Variants in ZNF335 observed in about 807,000 individuals in gnomAD.
ZNF335 encodes NRC-interacting factor 1.
Under a neutral mutation model 145.6 loss-of-function variants are expected in ZNF335, and 84 were observed. The ratio of observed to expected loss-of-function variants is 0.58; its 90% CI spans 0.48 to 0.69. ZNF335 has a LOEUF of 0.69. ZNF335 is among the 30% of genes least tolerant of loss of function. The probability of loss-of-function intolerance (pLI) is 0.00; values close to 1 mark genes in which losing one functional copy is unlikely to be tolerated. For missense variants in ZNF335, 1,865 were observed against 1,809.7 expected, an observed-to-expected ratio of 1.03 and a Z score of -0.55; for synonymous variants, 761 against 717.0, an observed-to-expected ratio of 1.06 and a Z score of -0.98.
At chr20:45,971,694 C>A in intron 1 of ZNF335, 1 of 985,486 alleles carries the variant, frequency 1.0e-6, no homozygotes, top group Non-Finnish European at 1.2e-6. Flanking sequence ...GTAATCTTGA[C>A]CCTTTCCCTC....
intron 17 of ZNF335, among the ~76,000 whole-genome samples, chr20:45,954,771 T>C (rs954598073): frequency 4.6e-4 from 2 of 4,386 alleles, no homozygotes. Context: ...ATACAATTAC[T>C]TTTTTTTTTT....
intron 7 of ZNF335, 28 bp from the exon 8 acceptor site, chr20:45,964,018 C>T: frequency 6.6e-7 from 1 of 1,512,690 alleles, no homozygotes; most frequent in Non-Finnish European, 8.8e-7. Context: ...GGTCACAAGC[C>T]AGCCACTGAC....
At position 45,952,318 on chromosome 20, in the gene ZNF335, C is replaced by T. The variant is rs758841641; in HGVS notation, c.3018G>A (p.Pro1006=). Residue 1006 remains proline (P), a synonymous_variant, in exon 20 of 28, where the codon CCG becomes CCA. Transcript: ENST00000322927. ...CAGCAGTGGCTGCAGATGGCGGTGACGGGGGCACTGCCAGGCCCAGGGCTT... is the reference window on the plus strand; with the variant it reads ...CAGCAGTGGCTGCAGATGGCGGTGATGGGGGCACTGCCAGGCCCAGGGCTT... ...TSKALGLAVP[P]SPPSAATAAS... The T allele has an allele frequency of 7.4e-6, 12 of 1,613,406 alleles. No homozygotes were observed. Among genetic ancestry groups the T allele is most frequent in the East Asian group, 2.2e-5 (1 of 44,884 alleles).
chr20:45,952,054 G>T, intron 20 of ZNF335, 93 bp downstream of exon 20: 1 of 1,474,980 alleles, frequency 6.8e-7, no homozygotes, highest in Non-Finnish European at 9.0e-7. Flanking sequence ...GAGAGCAGAG[G>T]ATCTGGCTTG....
chr20:45,962,006 G>A (rs1353069547), intron 10 of ZNF335, 64 bp downstream of exon 10: 17 of 1,296,846 alleles, frequency 1.3e-5, no homozygotes, highest in East Asian at 7.1e-5. Flanking sequence ...TGGTTATCCC[G>A]GGCCTCCACT....
intron 20 of ZNF335, among the ~76,000 whole-genome samples, 200 bp from the exon 21 acceptor site, chr20:45,950,795 C>A (rs2083617251): frequency 6.6e-6 from 1 of 152,206 alleles, no homozygotes; most frequent in South Asian, 2.1e-4. Flanking sequence ...AATGAAAGGC[C>A]ATAGATTCCA....
In ZNF335 at chr20:45,963,608, C is replaced by T. The variant is rs1383144211; in HGVS notation, c.1398G>A (p.Leu466=). ...KSPKPLLRPF[L]CRICGSRFLS... is the part of the protein sequence containing the mutation. ...GAAAGCGAGAACCACAGATGCGGCA[C>T]AGGAAGGGCCTCAAAAGTGGTTTGG... Residue 466 remains leucine, a synonymous_variant, in exon 9 of 28, where the codon CTG becomes CTA. Transcript: ENST00000322927. 2.5e-6 allele frequency: 4 copies of T among 1,614,234 alleles called. No individual in the cohort carries two copies. The highest frequency in any genetic ancestry group is 1.3e-5 in the African/African-American group (1 of 75,048).
intron 7 of ZNF335, among the ~76,000 whole-genome samples, chr20:45,965,415 C>A (rs1434031706): frequency 1.3e-5 from 2 of 152,142 alleles, no homozygotes; most frequent in Non-Finnish European, 2.9e-5. Flanking sequence ...TGGTGAAAGG[C>A]ATTTCCATAA....
At chr20:45,960,592 G>C (rs767705748) in intron 12 of ZNF335, 24 bp downstream of exon 12, 2 of 1,614,016 alleles carry the variant, frequency 1.2e-6, no homozygotes, top group African/African-American at 1.3e-5. Context: ...CCTCCTCTCA[G>C]CCCCAGCCCT....
chr20:45,950,347 A>T lies in ZNF335; in HGVS notation c.3359T>A (p.Phe1120Tyr). The change falls in exon 22 of 28, where the codon TTC becomes TAC. Residue 1120 changes from phenylalanine to tyrosine, a missense_variant. Coordinates refer to ENST00000322927, the MANE Select transcript of ZNF335 (RefSeq NM_022095.4). ...QRFNRNGHLK[F>Y]HIQRLHSPDG... Reference sequence around the variant, plus strand: ...AGGACTGTGCAGCCGCTGGATGTGGAACTTGAGGTGCCCGTTACGGTTGAA... The same window carrying T: ...AGGACTGTGCAGCCGCTGGATGTGGTACTTGAGGTGCCCGTTACGGTTGAA... 1 of 1,587,474 alleles carries T rather than the reference A, an allele frequency of 6.3e-7. No individual in the cohort carries two copies. The highest frequency in any genetic ancestry group is 8.6e-7 in the Non-Finnish European group (1 of 1,164,408).
chr20:45,951,950 G>T (rs1311258322), intron 20 of ZNF335, among the ~76,000 whole-genome samples, 197 bp downstream of exon 20: 1 of 152,256 alleles, frequency 6.6e-6, no homozygotes, highest in African/African-American at 2.4e-5. Flanking sequence ...TCTGGCATTA[G>T]TCACGTTGTG....
intron 17 of ZNF335, among the ~76,000 whole-genome samples, chr20:45,957,271 A>C (rs2083746175): frequency 6.6e-6 from 1 of 152,216 alleles, no homozygotes. Flanking sequence ...CCACAGGCAC[A>C]TGGTGGTTGC....
At chr20:45,964,892 G>T (rs1013583257) in intron 7 of ZNF335, among the ~76,000 whole-genome samples, 7 of 152,110 alleles carry the variant, frequency 4.6e-5, no homozygotes, top group African/African-American at 1.7e-4. Flanking sequence ...TTAAGTCGGT[G>T]TGGTGGTGGG....
chr20:45,967,381 G>A (rs940978319), intron 6 of ZNF335, 113 bp downstream of exon 6: 4 of 1,526,004 alleles, frequency 2.6e-6, no homozygotes, highest in East Asian at 2.2e-5. Context: ...ATACTGGAGG[G>A]ACCTGTGGAT....
intron 6 of ZNF335, chr20:45,967,243 C>T (rs989115542): frequency 9.1e-6 from 5 of 552,330 alleles, no homozygotes; most frequent in East Asian, 6.3e-5. Context: ...GACCTCCTCT[C>T]GCACCTTTAC....
Position 45,960,258 on chromosome 20 carries a change from C to T in ZNF335, c.1970G>A (p.Arg657His), listed in dbSNP as rs368892465. The change falls in exon 14 of 28, where the codon CGC becomes CAC. Residue 657 changes from arginine to histidine, a missense_variant. By Grantham distance (29) the Arg-to-His change is conservative (BLOSUM62 0). Transcript: ENST00000322927. ...KPFKCSFCPY[R>H]TFREDFLLSH... Reference sequence around the variant, plus strand: ...CAGCAAGAAGTCCTCTCGGAAGGTGCGGTAGGGACAAAAGCTGCATTTGAA... The same window carrying T: ...CAGCAAGAAGTCCTCTCGGAAGGTGTGGTAGGGACAAAAGCTGCATTTGAA... 8.7e-6 allele frequency: 14 copies of T among 1,614,128 alleles called. No homozygotes were observed. Among genetic ancestry groups the T allele is most frequent in the African/African-American group, 2.7e-5 (2 of 75,022 alleles).
rs73622634 is a variant in ZNF335, at chr20:45,950,205, C to A, written c.3487+14G>T. On this transcript the variant is annotated intron_variant, in intron 22 of 27. Coordinates refer to ENST00000322927, the MANE Select transcript of ZNF335 (RefSeq NM_022095.4). Reference sequence around the variant, plus strand: ...TACCCTGTTGCCCACCCTGTGGCCCCAGGGGCAGCTCACTGTGCAGGGTGG... The same window carrying A: ...TACCCTGTTGCCCACCCTGTGGCCCAAGGGGCAGCTCACTGTGCAGGGTGG... 6.4e-7 allele frequency: 1 copy of A among 1,552,536 alleles called. No homozygotes were observed.
chr20:45,960,123 A>C, intron 14 of ZNF335, 85 bp downstream of exon 14: 2 of 1,475,670 alleles, frequency 1.4e-6, no homozygotes, highest in Non-Finnish European at 1.8e-6. Context: ...CCGAGGGGGA[A>C]GGAAGAGGAT....
rs914596252 is a variant in ZNF335 at position 45,971,360 on chromosome 20, G to A, written c.51C>T (p.Gly17=). ...ESSSDAAPGP[G]RPEEPSESGL... ...CGCTCTCAGAGGGCTCCTCGGGCCG[G>A]CCAGGCCCAGGGGCCGCGTCGCTGC... The change falls in exon 2 of 28, where the codon GGC becomes GGT. Residue 17 remains glycine (G), a synonymous_variant. Transcript: ENST00000322927. The A allele has an allele frequency of 1.9e-6, 3 of 1,600,368 alleles. No individual in the cohort carries two copies. The highest frequency in any genetic ancestry group is 1.1e-5 in the South Asian group (1 of 91,032).
Sources: allele counts gnomAD v4.1 joint callset (sites outside exome capture counted in the v4.1 genomes callset), GRCh38; gene constraint gnomAD v4.1.1; transcripts MANE v1.5; gene names NCBI Gene and HGNC (gene_info 2026-07-23, HGNC 2026-07-21).